The following CENPO variants were observed in gnomAD, a reference collection of about 807,000 sequenced individuals.
CENPO encodes centromere protein O, also known as centromeric protein O.
A neutral mutation model predicts 36.1 loss-of-function variants in CENPO; 30 were observed. That is an observed-to-expected ratio of 0.83 (90% CI 0.62 to 1.13). CENPO has a LOEUF of 1.13. Ranked by LOEUF, CENPO falls within the 50% of genes most tolerant of loss-of-function variation. CENPO has a pLI of 0.00. For synonymous variants in CENPO, 171 were observed against 142.3 expected (o/e 1.20, Z -1.44); for missense variants, 349 against 357.8 (o/e 0.98, Z 0.20).
intron 4 of CENPO, among the ~76,000 whole-genome samples, chr2:24,815,199 C>T (rs1030163573): frequency 2.6e-5 from 4 of 151,064 alleles, no homozygotes; most frequent in Non-Finnish European, 4.4e-5. Context: ...GATCGTGCCA[C>T]CGCACTCCAG....
intron 3 of CENPO, among the ~76,000 whole-genome samples, chr2:24,807,431 T>A (rs1481264401): frequency 6.6e-6 from 1 of 152,238 alleles, no homozygotes; most frequent in African/African-American, 2.4e-5. Flanking sequence ...CTGAATGTTC[T>A]GACTGTGAGA....
intron 3 of CENPO, among the ~76,000 whole-genome samples, chr2:24,805,574 T>G (rs1265963075): frequency 1.3e-5 from 2 of 152,254 alleles, no homozygotes; most frequent in South Asian, 4.1e-4. Flanking sequence ...GTCTGTTGGA[T>G]TTTGCTGGAG....
chr2:24,793,933 A>T lies in CENPO; in HGVS notation c.14A>T (p.Asn5Ile). The T allele has an allele frequency of 6.2e-7, 1 of 1,614,064 alleles. No individual in the cohort carries two copies. Among genetic ancestry groups the T allele is most frequent in the Non-Finnish European group, 8.5e-7 (1 of 1,179,990 alleles). Residue 5 changes from asparagine to isoleucine, a missense_variant, in exon 2 of 8, where the codon AAC becomes ATC. Coordinates refer to ENST00000380834, the MANE Select transcript of CENPO (RefSeq NM_001322101.2). MEQA[N>I]PLRPDGESKG... ...TGGGAATCTGAGATGGAGCAGGCGAACCCTTTACGTCCAGATGGCGAGTCC... is the reference window on the plus strand; with the variant it reads ...TGGGAATCTGAGATGGAGCAGGCGATCCCTTTACGTCCAGATGGCGAGTCC...
At chr2:24,812,862 G>A (rs1030689637) in intron 3 of CENPO, among the ~76,000 whole-genome samples, 3 of 144,224 alleles carry the variant, frequency 2.1e-5, no homozygotes, top group East Asian at 2.1e-4. Flanking sequence ...TTTTCCTCTT[G>A]GCTTTCAGTC....
chr2:24,811,839 G>A (rs1558378445), intron 3 of CENPO, among the ~76,000 whole-genome samples: 1 of 152,046 alleles, frequency 6.6e-6, no homozygotes, highest in African/African-American at 2.4e-5. Context: ...CTCATGATCT[G>A]CCCGCTTTGG....
rs72792177 is a variant in CENPO, at chr2:24,821,284, A to G, written c.*1966A>G. On this transcript the variant is annotated 3_prime_UTR_variant, in exon 8 of 8. Transcript: ENST00000380834. ...TCTCAGCCAGGCAGGCCAAGCTTCT[A>G]TTGTAACAGTAGGCACAGTATAGTC... 0.049 allele frequency: 26,612 copies of G among 541,526 alleles called. 1,088 individuals are homozygous for G. The highest frequency in any genetic ancestry group is 0.19 in the East Asian group (5,518 of 29,004). 33.5% of individuals were successfully genotyped at this position (541,526 alleles called of 1,614,324 possible). A position where few individuals can be genotyped will look rare whatever the true frequency, so the allele number is the denominator to read the frequency against.
rs1004633721 is a variant in CENPO, at chr2:24,821,740, C to T, written c.*2422C>T. 2 of 1,511,804 alleles carry T rather than the reference C, an allele frequency of 1.3e-6. No individual in the cohort carries two copies. The highest frequency in any genetic ancestry group is 1.4e-5 in the African/African-American group (1 of 72,378). The allele number at this position is 1,511,804 out of a possible 1,614,324, so 93.6% of individuals were successfully genotyped here. On this transcript the variant is annotated 3_prime_UTR_variant, in exon 8 of 8. Transcript: ENST00000380834. ...GTGTTCTGGGGGTGGATTCCCTACA[C>T]CTAGATGTTCAAGGCCTTACTTTTC...
intron 3 of CENPO, among the ~76,000 whole-genome samples, chr2:24,809,916 C>T (rs2148277578): frequency 6.6e-6 from 1 of 152,102 alleles, no homozygotes; most frequent in South Asian, 2.1e-4. Flanking sequence ...AGTGTGGTGG[C>T]ACATACCTGT....
intron 2 of CENPO, among the ~76,000 whole-genome samples, chr2:24,798,672 G>C (rs902336533): frequency 1.3e-5 from 2 of 152,076 alleles, no homozygotes; most frequent in Non-Finnish European, 2.9e-5. Flanking sequence ...GTGTTAGCCA[G>C]GATGGTCTTG....
Position 24,793,858 on chromosome 2 carries a change from C to T in CENPO, c.-62C>T. On this transcript the variant is annotated 5_prime_UTR_variant, in exon 2 of 8. Transcript: ENST00000380834. ...GCCATTTTTCTTTTATTAGCAAGGA[C>T]ATTGGAGTCCCTATCACCGGTTGCC... 9 of 1,612,806 alleles carry T rather than the reference C, an allele frequency of 5.6e-6. No homozygotes were observed. The highest frequency in any genetic ancestry group is 7.6e-6 in the Non-Finnish European group (9 of 1,178,910).
chr2:24,815,756 G>C lies in CENPO; in HGVS notation c.594G>C (p.Gln198His). The C allele has an allele frequency of 6.2e-7, 1 of 1,614,066 alleles. No homozygotes were observed. Among genetic ancestry groups the C allele is most frequent in the Non-Finnish European group, 8.5e-7 (1 of 1,179,938 alleles). Residue 198 changes from glutamine to histidine, a missense_variant and splice_region_variant, in exon 5 of 8, where the codon CAG becomes CAC. Physicochemically the swap from Gln to His is conservative, Grantham distance 24 (BLOSUM62 0). Transcript: ENST00000380834. ...SGRKYQADRLQSDFAALLTGP... is the reference protein window; with the variant it reads ...SGRKYQADRLHSDFAALLTGP... ...GGAAGTACCAGGCAGACCGGCTTCA[G>C]GTATCTCTCTGGGATGTTATATGCC...
At chr2:24,798,275 GTA>G (rs113677572) in intron 2 of CENPO, among the ~76,000 whole-genome samples, 46,141 of 149,100 alleles carry the variant, frequency 0.31, 6,998 homozygotes, top group East Asian at 0.36. Flanking sequence ...GTATGTGTGT[GTA>G]TATATATATA....
At chr2:24,808,405 T>C (rs1205191440) in intron 3 of CENPO, among the ~76,000 whole-genome samples, 1 of 152,134 alleles carries the variant, frequency 6.6e-6, no homozygotes, top group Non-Finnish European at 1.5e-5. Context: ...TTCTCTATTG[T>C]TGGCCAGGCT....
intron 2 of CENPO, 41 bp downstream of exon 2, chr2:24,794,006 A>G (rs1373586868): frequency 6.7e-7 from 1 of 1,486,502 alleles, no homozygotes; most frequent in Admixed American, 1.7e-5. Context: ...TGCTGCCCAA[A>G]GATGACCCGC....
chr2:24,816,559 T>G, intron 5 of CENPO, 87 bp from the exon 6 acceptor site: 2 of 914,874 alleles, frequency 2.2e-6, no homozygotes, highest in Non-Finnish European at 3.2e-6. Flanking sequence ...TGGGCCTCTT[T>G]TTGGTTGACG....
chr2:24,794,117 G>A (rs773894128), intron 2 of CENPO, 152 bp downstream of exon 2: 2 of 697,154 alleles, frequency 2.9e-6, no homozygotes, highest in Non-Finnish European at 5.2e-6. Flanking sequence ...GGGACAGGCA[G>A]CCAAGATTAT....
intron 3 of CENPO, among the ~76,000 whole-genome samples, chr2:24,805,485 A>G (rs1444035231): frequency 6.6e-6 from 1 of 152,040 alleles, no homozygotes; most frequent in Non-Finnish European, 1.5e-5. Flanking sequence ...GATGATAGTG[A>G]CGTACAGATG....
intron 3 of CENPO, among the ~76,000 whole-genome samples, chr2:24,802,878 G>C (rs367962447): frequency 3.3e-5 from 5 of 151,492 alleles, no homozygotes; most frequent in South Asian, 2.1e-4. Context: ...TTTTTCTATT[G>C]ATTGGAATAG....
At position 24,821,293 on chromosome 2, in the gene CENPO, G is replaced by C. The variant is rs1667662330; in HGVS notation, c.*1975G>C. 1.0e-5 allele frequency: 6 copies of C among 572,498 alleles called. No homozygotes were observed. The highest frequency in any genetic ancestry group is 3.4e-5 in the Admixed American group (1 of 29,128). The allele number at this position is 572,498 out of a possible 1,614,324, so 35.5% of individuals were successfully genotyped here. ...GGCAGGCCAAGCTTCTATTGTAACAGTAGGCACAGTATAGTCGGATCATCA... is the reference window on the plus strand; with the variant it reads ...GGCAGGCCAAGCTTCTATTGTAACACTAGGCACAGTATAGTCGGATCATCA... On this transcript the variant is annotated 3_prime_UTR_variant, in exon 8 of 8. Transcript: ENST00000380834.
Sources: allele counts gnomAD v4.1 joint callset (sites outside exome capture counted in the v4.1 genomes callset), GRCh38; gene constraint gnomAD v4.1.1; transcripts MANE v1.5; gene names NCBI Gene and HGNC (gene_info 2026-07-23, HGNC 2026-07-21).